RORB: variants seen among roughly 807,000 people sequenced by gnomAD.
RORB encodes nuclear receptor ROR-beta.
In RORB, 6 loss-of-function variants were observed where a neutral mutation model predicts 59.1. That is an observed-to-expected ratio of 0.10 (90% CI 0.06 to 0.20). The LOEUF (loss-of-function observed/expected upper bound fraction) is 0.20. RORB is among the 10% of genes least tolerant of loss of function. The pLI is 1.00. For missense variants in RORB, 320 were observed against 560.5 expected, an observed-to-expected ratio of 0.57 and a Z score of 4.33; for synonymous variants, 215 against 204.5, an observed-to-expected ratio of 1.05 and a Z score of -0.44.
At chr9:74,511,682 T>A (rs1001803918) in intron 1 of RORB, among the ~76,000 whole-genome samples, 55 of 150,484 alleles carry the variant, frequency 3.7e-4, no homozygotes, top group African/African-American at 1.3e-3. Context: ...CTATGCTTTA[T>A]CTTTCACTCA....
At chr9:74,658,617 C>T (rs904220679) in intron 4 of RORB, among the ~76,000 whole-genome samples, 7 of 152,108 alleles carry the variant, frequency 4.6e-5, no homozygotes, top group African/African-American at 1.4e-4. Context: ...AAACAAACTA[C>T]ACCAAGAAGA....
intron 1 of RORB, among the ~76,000 whole-genome samples, chr9:74,622,409 G>A (rs1823436979): frequency 6.6e-6 from 1 of 151,892 alleles, no homozygotes; most frequent in South Asian, 2.1e-4. Flanking sequence ...GGAGAGGTTT[G>A]GGAATGGAGA....
intron 5 of RORB, among the ~76,000 whole-genome samples, chr9:74,662,051 T>G (rs1824193808): frequency 6.6e-6 from 1 of 152,174 alleles, no homozygotes; most frequent in South Asian, 2.1e-4. Flanking sequence ...GAAAATGATG[T>G]CATGGAAGCC....
chr9:74,538,340 T>C (rs965218926), intron 1 of RORB, among the ~76,000 whole-genome samples: 2 of 152,086 alleles, frequency 1.3e-5, no homozygotes, highest in African/African-American at 4.8e-5. Context: ...TCTTGGATGA[T>C]TTTTAAAATA....
chr9:74,631,396 G>A, intron 2 of RORB, among the ~76,000 whole-genome samples: 1 of 152,198 alleles, frequency 6.6e-6, no homozygotes, highest in East Asian at 1.9e-4. Flanking sequence ...GATCAAAGAA[G>A]CAAGCAAAGT....
intron 9 of RORB, among the ~76,000 whole-genome samples, chr9:74,674,814 T>C (rs1464379184): frequency 6.6e-6 from 1 of 152,194 alleles, no homozygotes; most frequent in Admixed American, 6.5e-5. Context: ...ATAATTATGA[T>C]ACATAGCGTA....
At chr9:74,520,327 T>A (rs1826067772) in intron 1 of RORB, among the ~76,000 whole-genome samples, 1 of 151,922 alleles carries the variant, frequency 6.6e-6, no homozygotes. Flanking sequence ...TATGGATGGC[T>A]GTAGCAGTGT....
chr9:74,588,544 A>G (rs1822841222), intron 1 of RORB, among the ~76,000 whole-genome samples: 2 of 152,200 alleles, frequency 1.3e-5, no homozygotes, highest in South Asian at 4.1e-4. Context: ...AAATGCCAAT[A>G]TATATGGTGT....
At chr9:74,591,394 T>G (rs1459956518) in intron 1 of RORB, among the ~76,000 whole-genome samples, 1 of 152,194 alleles carries the variant, frequency 6.6e-6, no homozygotes, top group African/African-American at 2.4e-5. Context: ...TTAACTCCCT[T>G]TTTAAGATGC....
At chr9:74,626,964 C>A (rs1302382146) in intron 1 of RORB, among the ~76,000 whole-genome samples, 1 of 152,058 alleles carries the variant, frequency 6.6e-6, no homozygotes, top group East Asian at 1.9e-4. Flanking sequence ...GAGATCGAGA[C>A]CATCCTGGCC....
chr9:74,522,266 T>C (rs1456637457), intron 1 of RORB, among the ~76,000 whole-genome samples: 1 of 151,914 alleles, frequency 6.6e-6, no homozygotes, highest in South Asian at 2.1e-4. Context: ...GTTGAACTTA[T>C]TGATTTCCAC....
intron 3 of RORB, among the ~76,000 whole-genome samples, chr9:74,638,424 T>C (rs1349261076): frequency 6.6e-6 from 1 of 152,202 alleles, no homozygotes; most frequent in Admixed American, 6.6e-5. Context: ...CATGAGCAAA[T>C]ACCACATCAT....
chr9:74,597,523 C>A (rs1180378866), intron 1 of RORB, among the ~76,000 whole-genome samples: 1 of 152,084 alleles, frequency 6.6e-6, no homozygotes, highest in Non-Finnish European at 1.5e-5. Flanking sequence ...TTTGGCAGAA[C>A]TATGTTTCAC....
chr9:74,573,251 T>C (rs537237338), intron 1 of RORB, among the ~76,000 whole-genome samples: 1 of 152,240 alleles, frequency 6.6e-6, no homozygotes, highest in East Asian at 1.9e-4. Context: ...ACATGATCTG[T>C]AGCTGTTTTG....
At chr9:74,544,639 T>C (rs1293436415) in intron 1 of RORB, among the ~76,000 whole-genome samples, 1 of 152,144 alleles carries the variant, frequency 6.6e-6, no homozygotes, top group Non-Finnish European at 1.5e-5. Context: ...CTCATGGAAG[T>C]CCCTGACTAG....
Position 74,692,355 on chromosome 9 carries a change from C to T in RORB, c.*6737C>T, listed in dbSNP as rs1468519333. 4.6e-5 allele frequency: 7 copies of T among 152,218 alleles called. No individual in the cohort carries two copies. Among genetic ancestry groups the T allele is most frequent in the Admixed American group, 4.6e-4 (7 of 15,284 alleles). The allele number at this position is 152,218 out of a possible 1,614,324, so 9.4% of individuals were successfully genotyped here. ...AAAAGATATTTAGATTTAAATGAGACATTCCAATATTTTTGAAATCCCTAA... is the reference window on the plus strand; with the variant it reads ...AAAAGATATTTAGATTTAAATGAGATATTCCAATATTTTTGAAATCCCTAA... On this transcript the variant is annotated 3_prime_UTR_variant, in exon 10 of 10. Transcript: ENST00000376896.
At chr9:74,665,031 G>A (rs1206455074) in intron 6 of RORB, among the ~76,000 whole-genome samples, 2 of 152,176 alleles carry the variant, frequency 1.3e-5, no homozygotes, top group Admixed American at 1.3e-4. Flanking sequence ...AATCATGGCT[G>A]CCTATCACTG....
intron 1 of RORB, among the ~76,000 whole-genome samples, chr9:74,585,008 C>A (rs1822777746): frequency 6.6e-6 from 1 of 152,170 alleles, no homozygotes; most frequent in Non-Finnish European, 1.5e-5. Context: ...GGGTCCCCAT[C>A]CCCCGTCCAA....
intron 1 of RORB, among the ~76,000 whole-genome samples, chr9:74,628,658 T>G (rs544454381): frequency 6.6e-6 from 1 of 152,358 alleles, no homozygotes; most frequent in African/African-American, 2.4e-5. Flanking sequence ...TGTCTTGCAT[T>G]TATTTGTTTT....
Sources: allele counts gnomAD v4.1 joint callset (sites outside exome capture counted in the v4.1 genomes callset), GRCh38; gene constraint gnomAD v4.1.1; transcripts MANE v1.5; gene names NCBI Gene and HGNC (gene_info 2026-07-23, HGNC 2026-07-21).